Variants in OAS2 observed in about 807,000 individuals in gnomAD.
OAS2 encodes 2'-5'-oligoadenylate synthase 2.
In OAS2, 67 loss-of-function variants were observed where a neutral mutation model predicts 71.3. The ratio of observed to expected loss-of-function variants is 0.94; its 90% CI spans 0.77 to 1.15. OAS2 has a LOEUF of 1.15. OAS2 is among the 50% of genes most tolerant of loss of function. The pLI, the probability that OAS2 is intolerant of heterozygous loss-of-function variation, is 0.00. For missense variants in OAS2, 789 were observed against 822.5 expected, an observed-to-expected ratio of 0.96 and a Z score of 0.50; for synonymous variants, 327 against 321.8, an observed-to-expected ratio of 1.02 and a Z score of -0.17.
At position 113,010,179 on chromosome 12, in the gene OAS2, G is replaced by A; in HGVS notation, c.*924G>A. 7.5e-7 allele frequency: 1 copy of A among 1,340,872 alleles called. No individual in the cohort carries two copies. Among genetic ancestry groups the A allele is most frequent in the Non-Finnish European group, 9.5e-7 (1 of 1,047,316 alleles). 83.1% of individuals were successfully genotyped at this position (1,340,872 alleles called of 1,614,324 possible). A position where few individuals can be genotyped will look rare whatever the true frequency, so the allele number is the denominator to read the frequency against. On this transcript the variant is annotated 3_prime_UTR_variant, in exon 10 of 10. Coordinates refer to ENST00000392583, the MANE Select transcript of OAS2 (RefSeq NM_002535.3). ...ACACCCCAACCCTGGGGGGAATGTA[G>A]GGAAGAGGTGGCCAAGCCAACCGTG... is the stretch of plus-strand genomic sequence containing the variant.
intron 3 of OAS2, among the ~76,000 whole-genome samples, chr12:112,997,194 G>A (rs1018171740): frequency 1.3e-5 from 2 of 151,908 alleles, no homozygotes; most frequent in Non-Finnish European, 2.9e-5. Flanking sequence ...CTGAACTACT[G>A]TATTTTTGCT....
At chr12:113,008,421 G>C (rs2044353005) in intron 9 of OAS2, among the ~76,000 whole-genome samples, 1 of 152,192 alleles carries the variant, frequency 6.6e-6, no homozygotes, top group Non-Finnish European at 1.5e-5. Flanking sequence ...AGAAGTAAGA[G>C]AGAAGGAGAC....
chr12:113,010,374 A>G lies in OAS2; in HGVS notation c.*1119A>G. The G allele has an allele frequency of 6.2e-7, 1 of 1,611,676 alleles. No homozygotes were observed. Among genetic ancestry groups the G allele is most frequent in the South Asian group, 1.1e-5 (1 of 90,382 alleles). ...CTCCCACGTATGTTTTTCTTTTTAGACAATGCAGACACCAGGAAGTTGTGG... is the reference window on the plus strand; with the variant it reads ...CTCCCACGTATGTTTTTCTTTTTAGGCAATGCAGACACCAGGAAGTTGTGG... On this transcript the variant is annotated 3_prime_UTR_variant, in exon 10 of 10. Coordinates refer to ENST00000392583, the MANE Select transcript of OAS2 (RefSeq NM_002535.3).
rs755632253 is a variant in OAS2 at position 112,988,073 on chromosome 12, C to T, written c.448+765C>T. Reference sequence around the variant, plus strand: ...GGTCTGAAAATAGCCACAGTCTAAGCTGACCACCAATTATAATTGCAGAAT... The same window carrying T: ...GGTCTGAAAATAGCCACAGTCTAAGTTGACCACCAATTATAATTGCAGAAT... On this transcript the variant is annotated intron_variant, in intron 2 of 9. Transcript: ENST00000392583. 7 of 985,306 alleles carry T rather than the reference C, an allele frequency of 7.1e-6. No homozygotes were observed. The African/African-American group carries it at 1.2e-4, about 17-fold the overall frequency. 61.0% of individuals were successfully genotyped at this position (985,306 alleles called of 1,614,324 possible).
chr12:113,004,590 C>T (rs1398984425), intron 6 of OAS2, among the ~76,000 whole-genome samples: 2 of 152,126 alleles, frequency 1.3e-5, no homozygotes, highest in Non-Finnish European at 1.5e-5. Context: ...TATTGCATTC[C>T]GCTCGATTTA....
intron 3 of OAS2, among the ~76,000 whole-genome samples, chr12:112,997,288 A>G (rs1408125642): frequency 6.6e-6 from 1 of 151,848 alleles, no homozygotes; most frequent in Non-Finnish European, 1.5e-5. Context: ...CTTTATTTTC[A>G]TGCTTGTGGG....
chr12:112,995,199 G>A (rs1222999626), intron 2 of OAS2, 97 bp from the exon 3 acceptor site: 1 of 1,078,420 alleles, frequency 9.3e-7, no homozygotes, highest in Non-Finnish European at 1.4e-6. Flanking sequence ...AGAGTCGTGT[G>A]CTATCAAACT....
Position 113,000,481 on chromosome 12 carries a change from TACAC to T in OAS2, c.1008+2086_1008+2089del, listed in dbSNP as rs10543521. On this transcript the variant is annotated intron_variant, in intron 5 of 9. Coordinates refer to ENST00000392583, the MANE Select transcript of OAS2 (RefSeq NM_002535.3). ...CAAACATTGGGGGCTCATGCACACATACACACACACACACACACGTACATGCATA... is the reference window on the plus strand; with the variant it reads ...CAAACATTGGGGGCTCATGCACACATACACACACACACACGTACATGCATA... 3.9e-4 allele frequency among the ~76,000 whole-genome samples: 59 copies of T among 150,512 alleles called. No individual in the cohort carries two copies. The Middle Eastern group carries it at 0.01, about 26-fold the overall frequency.
intron 1 of OAS2, 69 bp from the exon 2 acceptor site, chr12:112,986,969 C>A: frequency 2.6e-6 from 4 of 1,527,782 alleles, no homozygotes; most frequent in Non-Finnish European, 3.5e-6. Context: ...TGAGAAATAC[C>A]ACTGCCTGCT....
chr12:112,992,761 A>G (rs1343832784), intron 2 of OAS2, among the ~76,000 whole-genome samples: 5 of 152,110 alleles, frequency 3.3e-5, no homozygotes, highest in African/African-American at 4.8e-5. Flanking sequence ...TGCCAGCTGT[A>G]CAGTCAGACT....
At chr12:112,998,954 A>G (rs955353561) in intron 5 of OAS2, among the ~76,000 whole-genome samples, 1 of 152,262 alleles carries the variant, frequency 6.6e-6, no homozygotes, top group Non-Finnish European at 1.5e-5. Flanking sequence ...AGTTCAACCC[A>G]TCACACACCA....
chr12:112,985,420 C>A (rs2044125442), intron 1 of OAS2, among the ~76,000 whole-genome samples: 1 of 152,158 alleles, frequency 6.6e-6, no homozygotes, highest in Non-Finnish European at 1.5e-5. Context: ...CTTTCTTCTC[C>A]TTGACCTAGT....
At chr12:113,003,222 G>A (rs1025416298) in intron 6 of OAS2, 120 bp downstream of exon 6, 78 of 1,086,764 alleles carry the variant, frequency 7.2e-5, no homozygotes, top group Non-Finnish European at 8.8e-5. Context: ...CTTGAGGAAG[G>A]GAAGCCAGGA....
rs749865817 is a variant in OAS2 at position 113,009,109 on chromosome 12, G to A, written c.1918G>A (p.Glu640Lys). 17 of 1,613,522 alleles carry A rather than the reference G, an allele frequency of 1.1e-5. No homozygotes were observed. Among genetic ancestry groups the A allele is most frequent in the South Asian group, 4.4e-5 (4 of 91,052 alleles). Reference protein sequence around the residue: ...KTRPVILDPAEPTGDVGGGDR... With the variant: ...KTRPVILDPAKPTGDVGGGDR... The stretch of plus-strand genomic sequence containing the variant: ...CAGGCCTGTGATCTTGGACCCAGCC[G>A]AACCCACAGGTGACGTGGGTGGAGG... The change falls in exon 10 of 10, where the codon GAA becomes AAA. Residue 640 changes from glutamate to lysine, a missense_variant. Physicochemically the swap from Glu to Lys is moderately conservative, Grantham distance 56. Transcript: ENST00000392583.
chr12:113,006,911 C>A (rs2044340076), intron 8 of OAS2, among the ~76,000 whole-genome samples: 1 of 152,164 alleles, frequency 6.6e-6, no homozygotes, highest in African/African-American at 2.4e-5. Context: ...CCACACATTG[C>A]CAATAGGACT....
At position 113,009,990 on chromosome 12, in the gene OAS2, A is replaced by G; in HGVS notation, c.*735A>G. Reference sequence around the variant, plus strand: ...TTGATACTTACTCACATTTGGGGCTAGACAGTTCTTTGTTTGGAGGCTCTC... The same window carrying G: ...TTGATACTTACTCACATTTGGGGCTGGACAGTTCTTTGTTTGGAGGCTCTC... On this transcript the variant is annotated 3_prime_UTR_variant, in exon 10 of 10. Transcript: ENST00000392583. The G allele has an allele frequency of 1.0e-6, 1 of 982,484 alleles. No individual in the cohort carries two copies. The highest frequency in any genetic ancestry group is 1.2e-6 in the Non-Finnish European group (1 of 825,950). 60.9% of individuals were successfully genotyped at this position (982,484 alleles called of 1,614,324 possible).
rs111979570 is a variant in OAS2 at position 112,987,289 on chromosome 12, G to A, written c.429G>A (p.Leu143=). 1,936 of 1,614,206 alleles carry A rather than the reference G, an allele frequency of 1.2e-3. 4 individuals are homozygous for A. Among genetic ancestry groups the A allele is most frequent in the Non-Finnish European group, 1.5e-3 (1,763 of 1,180,026 alleles). Residue 143 remains leucine (L), a synonymous_variant, in exon 2 of 10, where the codon CTG becomes CTA. Transcript: ENST00000392583. The stretch of plus-strand genomic sequence containing the variant: ...ATCAGAGAATCTCTTTCGAGGTGCT[G>A]GCCGCCTTCAACGCTCTGAGTAAGC... ...TKNQRISFEV[L]AAFNALSLND...
intron 6 of OAS2, among the ~76,000 whole-genome samples, chr12:113,003,754 G>A (rs147761192): frequency 2.0e-5 from 3 of 152,350 alleles, no homozygotes; most frequent in African/African-American, 7.2e-5. Flanking sequence ...CACACGACCA[G>A]ATAAACGTGT....
intron 5 of OAS2, among the ~76,000 whole-genome samples, chr12:113,001,798 G>A (rs2044292656): frequency 1.3e-5 from 2 of 148,928 alleles, no homozygotes; most frequent in Admixed American, 6.8e-5. Flanking sequence ...GGCTGAGGTG[G>A]GAGGATTGCT....
Sources: gnomAD v4.1 joint callset for allele counts (sites outside exome capture counted in the v4.1 genomes callset) on GRCh38, gnomAD v4.1.1 for gene constraint, MANE v1.5 for transcripts, NCBI Gene and HGNC (gene_info 2026-07-23, HGNC 2026-07-21) for gene names.